Variants in RELN observed in about 807,000 individuals in gnomAD.
The protein encoded by RELN is reelin.
Under a neutral mutation model 427.6 loss-of-function variants are expected in RELN, and 108 were observed. That is an observed-to-expected ratio of 0.25 (90% CI 0.22 to 0.30). The LOEUF is 0.30. Ranked by LOEUF, RELN falls within the 10% of genes least tolerant of loss-of-function variation. The pLI, the probability that RELN is intolerant of heterozygous loss-of-function variation, is 1.00. For missense variants in RELN, 3,715 were observed against 4,302.8 expected (o/e 0.86, Z 3.82); for synonymous variants, 1,524 against 1,513.4 (o/e 1.01, Z -0.16).
At position 103,522,089 on chromosome 7, in the gene RELN, A is replaced by G. The variant is rs1295642260; in HGVS notation, c.7601T>C (p.Val2534Ala). The change falls in exon 48 of 65, where the codon GTG becomes GCG. Residue 2534 changes from valine (V) to alanine (A), a missense_variant. Around this residue, in one of 4 missense-constraint regions of RELN, gnomAD observed 1,310 missense variants for 1,643.0 expected, o/e 0.80. Transcript: ENST00000428762. ...RAPSSQNWLT[V>A]NGGKLSTVCG... The stretch of plus-strand genomic sequence containing the variant: ...CACTGTACTCAATTTCCCTCCGTTC[A>G]CAGTCAGCCAGTTCTGACTGGATGG... 4 of 1,613,954 alleles carry G rather than the reference A, an allele frequency of 2.5e-6. No individual in the cohort carries two copies. Among genetic ancestry groups the G allele is most frequent in the South Asian group, 1.1e-5 (1 of 91,076 alleles).
At chr7:103,914,569 T>C (rs1795441729) in intron 2 of RELN, among the ~76,000 whole-genome samples, 1 of 152,188 alleles carries the variant, frequency 6.6e-6, no homozygotes, top group Non-Finnish European at 1.5e-5. Context: ...CGAGTGTTTT[T>C]TTATGTGCTA....
intron 37 of RELN, among the ~76,000 whole-genome samples, chr7:103,557,593 A>G (rs1398416920): frequency 1.3e-5 from 2 of 152,222 alleles, no homozygotes; most frequent in Non-Finnish European, 2.9e-5. Flanking sequence ...AATGACTAAG[A>G]ATAGGCTTTT....
intron 63 of RELN, among the ~76,000 whole-genome samples, chr7:103,479,508 AATC>A (rs1220943577): frequency 1.3e-5 from 2 of 152,142 alleles, no homozygotes; most frequent in African/African-American, 4.8e-5. Flanking sequence ...AGCAGGGGCT[AATC>A]ATCGTGAAAT....
intron 17 of RELN, among the ~76,000 whole-genome samples, chr7:103,636,800 T>C (rs1262085535): frequency 6.6e-6 from 1 of 152,248 alleles, no homozygotes; most frequent in African/African-American, 2.4e-5. Context: ...TTCATAACAC[T>C]CATTAAATTT....
chr7:103,498,384 TAAA>T (rs1232396901), intron 53 of RELN, 132 bp from the exon 54 acceptor site: 1 of 792,026 alleles, frequency 1.3e-6, no homozygotes, highest in Non-Finnish European at 2.1e-6. Flanking sequence ...CAAAGATGTT[TAAA>T]AAAGGCTATT....
At chr7:103,809,662 C>G (rs756915982) in intron 3 of RELN, among the ~76,000 whole-genome samples, 3 of 152,078 alleles carry the variant, frequency 2.0e-5, no homozygotes, top group Admixed American at 6.6e-5. Flanking sequence ...GTCTTTGACC[C>G]GTCTGGGCTG....
intron 28 of RELN, 94 bp from the exon 29 acceptor site, chr7:103,575,799 T>A: frequency 2.2e-6 from 3 of 1,371,788 alleles, no homozygotes; most frequent in African/African-American, 1.4e-5. Context: ...AACAGAGACT[T>A]AATATTTATT....
chr7:103,675,940 A>C, intron 11 of RELN, among the ~76,000 whole-genome samples: 1 of 152,192 alleles, frequency 6.6e-6, no homozygotes, highest in Non-Finnish European at 1.5e-5. Flanking sequence ...ATACCCTAGA[A>C]GAAAACCTAG....
At chr7:103,763,045 G>T (rs763064000) in intron 4 of RELN, among the ~76,000 whole-genome samples, 13 of 152,152 alleles carry the variant, frequency 8.5e-5, no homozygotes, top group Non-Finnish European at 1.5e-4. Context: ...TCAGGAGAAG[G>T]ACAGTTATTG....
At chr7:103,902,149 T>C (rs998971796) in intron 2 of RELN, among the ~76,000 whole-genome samples, 1 of 152,018 alleles carries the variant, frequency 6.6e-6, no homozygotes, top group Non-Finnish European at 1.5e-5. Flanking sequence ...AGGCTAGGGA[T>C]AAACTTCATC....
chr7:103,828,806 T>G (rs139662223), intron 3 of RELN, among the ~76,000 whole-genome samples: 2 of 152,086 alleles, frequency 1.3e-5, no homozygotes, highest in East Asian at 3.9e-4. Context: ...CATATAGAGA[T>G]AGATTTCAAA....
intron 6 of RELN, among the ~76,000 whole-genome samples, chr7:103,733,132 C>T (rs1275011779): frequency 2.0e-5 from 3 of 152,056 alleles, no homozygotes; most frequent in East Asian, 1.9e-4. Context: ...GGGCGAAGGA[C>T]ATGAACAGAC....
intron 2 of RELN, among the ~76,000 whole-genome samples, chr7:103,912,108 T>C (rs1187247644): frequency 6.6e-6 from 1 of 152,150 alleles, no homozygotes; most frequent in Non-Finnish European, 1.5e-5. Flanking sequence ...AATAGCTGAA[T>C]GTTTAAGAGA....
At chr7:103,588,402 G>A (rs1831328774) in intron 28 of RELN, among the ~76,000 whole-genome samples, 1 of 152,056 alleles carries the variant, frequency 6.6e-6, no homozygotes, top group Non-Finnish European at 1.5e-5. Context: ...AGGGAGGGAG[G>A]GAGGAGGATG....
chr7:103,537,821 G>C (rs145560431), intron 45 of RELN, among the ~76,000 whole-genome samples: 35 of 152,214 alleles, frequency 2.3e-4, no homozygotes, highest in African/African-American at 8.4e-4. Flanking sequence ...TAGTTTGGGG[G>C]CCCTTTCTTT....
At chr7:103,584,268 G>A (rs368661954) in intron 28 of RELN, among the ~76,000 whole-genome samples, 9 of 152,270 alleles carry the variant, frequency 5.9e-5, no homozygotes, top group African/African-American at 2.2e-4. Context: ...GGTACAGACT[G>A]GCAGATTGGA....
At chr7:103,478,177 A>C (rs923771755) in intron 64 of RELN, among the ~76,000 whole-genome samples, 2 of 152,164 alleles carry the variant, frequency 1.3e-5, no homozygotes, top group African/African-American at 2.4e-5. Flanking sequence ...TATTGTATAT[A>C]TTAGGGACTT....
chr7:103,566,856 T>C, intron 31 of RELN, 97 bp from the exon 32 acceptor site: 1 of 1,195,022 alleles, frequency 8.4e-7, no homozygotes, highest in East Asian at 2.3e-5. Flanking sequence ...CCTCAAATTG[T>C]GTCTCCTAGA....
chr7:103,983,827 T>C (rs2116848113), intron 1 of RELN, among the ~76,000 whole-genome samples: 1 of 151,798 alleles, frequency 6.6e-6, no homozygotes, highest in Non-Finnish European at 1.5e-5. Context: ...CTATCCAGTT[T>C]TTCTATTTCT....
Sources: gnomAD v4.1 joint callset for allele counts (sites outside exome capture counted in the v4.1 genomes callset) on GRCh38, gnomAD v4.1.1 for gene constraint, gnomAD v4.1.1 regional missense constraint, MANE v1.5 for transcripts, NCBI Gene and HGNC (gene_info 2026-07-23, HGNC 2026-07-21) for gene names.